The following CCDC12 variants were observed in gnomAD, a reference collection of about 807,000 sequenced individuals.
The protein encoded by CCDC12 is coiled-coil domain containing 12, also known as coiled-coil domain-containing protein 12.
A neutral mutation model predicts 25.7 loss-of-function variants in CCDC12; 28 were observed. That is an observed-to-expected ratio of 1.09 (90% CI 0.81 to 1.50). The LOEUF is 1.50. Ranked by LOEUF, CCDC12 falls within the 40% of genes most tolerant of loss-of-function variation. CCDC12 has a pLI of 0.00. For missense variants in CCDC12, 198 were observed against 210.0 expected (o/e 0.94, Z 0.35); for synonymous variants, 75 against 87.7 (o/e 0.86, Z 0.81).
chr3:46,950,466 T>C (rs2107159347), intron 1 of CCDC12, among the ~76,000 whole-genome samples: 1 of 141,686 alleles, frequency 7.1e-6, no homozygotes, highest in East Asian at 2.1e-4. Flanking sequence ...TACAGGGGCA[T>C]GCCACCATGC....
intron 1 of CCDC12, among the ~76,000 whole-genome samples, chr3:46,954,711 G>C (rs930473877): frequency 2.0e-5 from 3 of 152,178 alleles, no homozygotes; most frequent in African/African-American, 4.8e-5. Flanking sequence ...AGATCACAAG[G>C]TTAGGAGTTC....
Position 46,964,363 on chromosome 3 carries a change from G to A in CCDC12, c.96+12274C>T, listed in dbSNP as rs1333212532. Among the ~76,000 whole-genome samples the A allele has an allele frequency of 7.9e-5, 12 of 151,586 alleles. No individual in the cohort carries two copies. In the South Asian group the frequency reaches 1.0e-3, roughly 13 times the overall value. On this transcript the variant is annotated intron_variant, in intron 1 of 6. Transcript: ENST00000683445. ...CAGCCCCCGCCCGGCCAGCCGCCCC[G>A]TCTGGGAGGTGGGGGGCGCTTCTGC...
upstream of CCDC12, chr3:46,979,345 A>T (rs13062185): frequency 0.95 from 144,091 of 152,382 alleles, 68,686 homozygotes; most frequent in East Asian, 1. Flanking sequence ...GTGGTGGTGG[A>T]GATTATTGTT....
chr3:46,971,128 G>A (rs2107201514), intron 1 of CCDC12, among the ~76,000 whole-genome samples: 3 of 152,264 alleles, frequency 2.0e-5, no homozygotes, highest in Middle Eastern at 6.8e-3. Flanking sequence ...AATGCTCCCT[G>A]GGAACACTCT....
chr3:46,942,048 T>C (rs933944664), intron 1 of CCDC12, among the ~76,000 whole-genome samples: 1 of 152,238 alleles, frequency 6.6e-6, no homozygotes, highest in East Asian at 1.9e-4. Flanking sequence ...TACAGAGTCA[T>C]GTTCATCTCA....
intron 2 of CCDC12, among the ~76,000 whole-genome samples, chr3:46,934,947 G>A (rs1166832359): frequency 6.6e-6 from 1 of 152,236 alleles, no homozygotes; most frequent in Non-Finnish European, 1.5e-5. Flanking sequence ...AAACAACCAT[G>A]ATCTGTGATA....
chr3:46,927,248 A>T (rs1448932110), intron 2 of CCDC12, among the ~76,000 whole-genome samples: 1 of 152,144 alleles, frequency 6.6e-6, no homozygotes, highest in Non-Finnish European at 1.5e-5. Flanking sequence ...TCGGGCCTGG[A>T]GGTACATGTC....
At chr3:46,938,532 T>TTG (rs2033555001) in intron 2 of CCDC12, among the ~76,000 whole-genome samples, 1 of 146,762 alleles carries the variant, frequency 6.8e-6, no homozygotes, top group African/African-American at 2.5e-5. Context: ...TTTTTTTTTT[T>TTG]TTTTTTTTTT....
Position 46,921,731 on chromosome 3 carries a change from G to A in CCDC12, c.*326C>T. The A allele has an allele frequency of 6.2e-6, 2 of 325,092 alleles. No individual in the cohort carries two copies. The highest frequency in any genetic ancestry group is 1.1e-5 in the Non-Finnish European group (2 of 174,686). 20.1% of individuals were successfully genotyped at this position (325,092 alleles called of 1,614,324 possible). ...CCTAGGAAATATCTGACACATTTCT[G>A]CCACACACAGGGGTTTACTTGTTTC... On this transcript the variant is annotated 3_prime_UTR_variant, in exon 7 of 7. Coordinates refer to ENST00000683445, the MANE Select transcript of CCDC12 (RefSeq NM_001277074.2).
intron 1 of CCDC12, among the ~76,000 whole-genome samples, chr3:46,952,844 C>T (rs1216857404): frequency 6.6e-6 from 1 of 152,100 alleles, no homozygotes; most frequent in African/African-American, 2.4e-5. Flanking sequence ...AAATGGAAGC[C>T]CAGGACAATT....
rs1269712078 is a variant in CCDC12 at position 46,922,021 on chromosome 3, C to G, written c.*36G>C. Reference sequence around the variant, plus strand: ...CTGCCCAAGACCATCCTCTGCAGGACAGGCCTGATGGGCGAGTGGTGGGGC... The same window carrying G: ...CTGCCCAAGACCATCCTCTGCAGGAGAGGCCTGATGGGCGAGTGGTGGGGC... On this transcript the variant is annotated 3_prime_UTR_variant, in exon 7 of 7. Coordinates refer to ENST00000683445, the MANE Select transcript of CCDC12 (RefSeq NM_001277074.2). 6.2e-7 allele frequency: 1 copy of G among 1,609,394 alleles called. No individual in the cohort carries two copies. Among genetic ancestry groups the G allele is most frequent in the Admixed American group, 1.7e-5 (1 of 59,978 alleles).
At chr3:46,965,815 G>C (rs2034621614) in intron 1 of CCDC12, among the ~76,000 whole-genome samples, 1 of 152,192 alleles carries the variant, frequency 6.6e-6, no homozygotes, top group Admixed American at 6.5e-5. Flanking sequence ...AAGTTAAAGG[G>C]GCCCTCAACC....
intron 2 of CCDC12, among the ~76,000 whole-genome samples, chr3:46,932,831 C>G (rs1217071495): frequency 1.3e-5 from 2 of 152,262 alleles, no homozygotes; most frequent in African/African-American, 4.8e-5. Flanking sequence ...CACATGGCCT[C>G]TCAGAGGCCA....
intron 1 of CCDC12, among the ~76,000 whole-genome samples, chr3:46,955,101 C>G (rs1187445174): frequency 6.6e-6 from 1 of 152,120 alleles, no homozygotes; most frequent in East Asian, 1.9e-4. Flanking sequence ...AACTACAGAT[C>G]GAAGAAACCT....
At chr3:46,922,366 A>T in intron 5 of CCDC12, 54 bp from the exon 6 acceptor site, 1 of 1,595,330 alleles carries the variant, frequency 6.3e-7, no homozygotes, top group Non-Finnish European at 8.6e-7. Flanking sequence ...CTGATGTGGC[A>T]TTGGGTCCCC....
chr3:46,964,758 C>T (rs560977713), intron 1 of CCDC12, among the ~76,000 whole-genome samples: 2 of 152,044 alleles, frequency 1.3e-5, no homozygotes, highest in Non-Finnish European at 2.9e-5. Context: ...AGGCAGCATG[C>T]TCGTTAAGAG....
intron 1 of CCDC12, chr3:46,976,254 G>A (rs555920783): frequency 3.0e-6 from 3 of 1,006,212 alleles, no homozygotes; most frequent in Non-Finnish European, 3.6e-6. Flanking sequence ...ACTCAGAATC[G>A]AAGGCGGGGG....
chr3:46,971,917 C>G (rs1410348598), intron 1 of CCDC12, among the ~76,000 whole-genome samples: 1 of 152,156 alleles, frequency 6.6e-6, no homozygotes, highest in East Asian at 1.9e-4. Context: ...GGAGGAGACT[C>G]AAGGGGTTTT....
intron 1 of CCDC12, among the ~76,000 whole-genome samples, chr3:46,972,169 G>A (rs920028730): frequency 5.9e-5 from 9 of 152,160 alleles, no homozygotes; most frequent in East Asian, 1.9e-4. Flanking sequence ...AACTCTTTGC[G>A]CAGCAAATGA....
Sources: gnomAD v4.1 joint callset for allele counts (sites outside exome capture counted in the v4.1 genomes callset) on GRCh38, gnomAD v4.1.1 for gene constraint, MANE v1.5 for transcripts, NCBI Gene and HGNC (gene_info 2026-07-23, HGNC 2026-07-21) for gene names.